The following CCL26 variants were observed in gnomAD, a reference collection of about 807,000 sequenced individuals.
The protein encoded by CCL26 is C-C motif chemokine 26.
CCL26 carries 10 observed loss-of-function variants against 10.7 expected under a neutral mutation model. That is an observed-to-expected ratio of 0.93 (90% CI 0.57 to 1.58). The LOEUF (loss-of-function observed/expected upper bound fraction) is 1.58. Among genes scored for constraint, CCL26 ranks in the 40% most tolerant of loss-of-function variants. CCL26 has a pLI of 0.00. For synonymous variants in CCL26, 43 were observed against 41.4 expected (o/e 1.04, Z -0.15); for missense variants, 116 against 111.0 (o/e 1.05, Z -0.20).
upstream of CCL26, among the ~76,000 whole-genome samples, chr7:75,776,235 C>T (rs111390947): frequency 6.6e-6 from 1 of 151,766 alleles, no homozygotes; most frequent in East Asian, 2.0e-4. Flanking sequence ...CCATGCCCGA[C>T]TAATTTTTGT....
chr7:75,772,239 T>A (rs781959310), upstream of CCL26: 379 of 1,178,114 alleles, frequency 3.2e-4, 1 homozygote, highest in Middle Eastern at 2.8e-4. Flanking sequence ...TCCCCTTTTA[T>A]GAGACTGAGA....
chr7:75,777,279 C>A (rs1024673571), intron 1 of CCL26, among the ~76,000 whole-genome samples: 3 of 152,058 alleles, frequency 2.0e-5, no homozygotes, highest in Non-Finnish European at 4.4e-5. Context: ...AAAAGACACA[C>A]ACTAGAATAT....
chr7:75,779,384 AGAAAGATCCACCTAT>A (rs1400846163), intron 1 of CCL26, among the ~76,000 whole-genome samples: 26 of 152,324 alleles, frequency 1.7e-4, no homozygotes, highest in African/African-American at 6.0e-4. Flanking sequence ...TTGCTCCGTA[AGAAAGATCCACCTAT>A]GACCTCAGGT....
chr7:75,771,738 G>A (rs1286776966), intron 2 of CCL26, 151 bp downstream of exon 2: 1 of 614,484 alleles, frequency 1.6e-6, no homozygotes, highest in Non-Finnish European at 2.9e-6. Context: ...AAAAAAGTCA[G>A]GTTCTACCTG....
At chr7:75,773,654 T>C (rs1208852125), upstream of CCL26, among the ~76,000 whole-genome samples, 8 of 151,862 alleles carry the variant, frequency 5.3e-5, no homozygotes, top group African/African-American at 1.9e-4. Context: ...GGCAGGGGGA[T>C]CGTCTGAGGT....
upstream of CCL26, among the ~76,000 whole-genome samples, chr7:75,772,992 G>T (rs911508721): frequency 3.3e-5 from 5 of 151,414 alleles, no homozygotes; most frequent in Non-Finnish European, 7.4e-5. Context: ...GCTCTGGATG[G>T]TCTCAAGATG....
At chr7:75,789,821 G>A (rs1285468698) in exon 1 of CCL26, 2 of 152,058 alleles carry the variant, frequency 1.3e-5, no homozygotes, top group Non-Finnish European at 2.9e-5. Context: ...GGGACCCCAA[G>A]TCAAGACCTC....
chr7:75,779,889 C>T (rs1003424390), intron 1 of CCL26, among the ~76,000 whole-genome samples: 17 of 152,068 alleles, frequency 1.1e-4, no homozygotes, highest in African/African-American at 4.1e-4. Flanking sequence ...GGGCAAGCCC[C>T]TCCCACCCTT....
chr7:75,787,906 G>A (rs1444400357), intron 1 of CCL26, among the ~76,000 whole-genome samples: 5 of 151,844 alleles, frequency 3.3e-5, no homozygotes, highest in African/African-American at 4.8e-5. Context: ...CATACAGAAC[G>A]GCATCCGGGC....
At chr7:75,781,501 T>C (rs1563338787) in intron 1 of CCL26, among the ~76,000 whole-genome samples, 1 of 152,208 alleles carries the variant, frequency 6.6e-6, no homozygotes, top group Non-Finnish European at 1.5e-5. Context: ...CCCATCTGTG[T>C]GGGACCCCAA....
At chr7:75,789,302 G>T (rs1403074455) in intron 1 of CCL26, among the ~76,000 whole-genome samples, 4 of 151,764 alleles carry the variant, frequency 2.6e-5, no homozygotes, top group Admixed American at 6.6e-5. Context: ...GGAATGAAAT[G>T]ATATGGCGAA....
At chr7:75,787,765 A>C (rs1462081871) in intron 1 of CCL26, among the ~76,000 whole-genome samples, 1 of 151,674 alleles carries the variant, frequency 6.6e-6, no homozygotes, top group Non-Finnish European at 1.5e-5. Context: ...CAACCAAACA[A>C]GTAATTACAC....
chr7:75,769,705 C>T lies in CCL26; in HGVS notation c.273G>A (p.Pro91=), dbSNP rs782370999. 23 of 1,608,180 alleles carry T rather than the reference C, an allele frequency of 1.4e-5. No individual in the cohort carries two copies. Among genetic ancestry groups the T allele is most frequent in the Middle Eastern group, 1.6e-4 (1 of 6,076 alleles). ...AAATTCAGCTGAGTCACAATTGTTT[C>T]GGAGTTTTCAGTAAAGAAATGTATT... ...VQKYISLLKT[P]KQL is the part of the protein sequence containing the mutation. Residue 91 remains proline (P), a synonymous_variant, in exon 3 of 3, where the codon CCG becomes CCA. Coordinates refer to ENST00000005180, the MANE Select transcript of CCL26 (RefSeq NM_001371938.1).
upstream of CCL26, chr7:75,789,989 C>G (rs1803286952): frequency 6.7e-6 from 1 of 150,132 alleles, no homozygotes; most frequent in Non-Finnish European, 1.5e-5. Flanking sequence ...CTTTCTACGT[C>G]TTACGGTTCT....
intron 2 of CCL26, among the ~76,000 whole-genome samples, chr7:75,770,143 C>A (rs1289873630): frequency 2.6e-5 from 4 of 151,458 alleles, no homozygotes; most frequent in Non-Finnish European, 5.9e-5. Context: ...GATCTCAGCT[C>A]ATTGCAACCT....
intron 1 of CCL26, among the ~76,000 whole-genome samples, chr7:75,785,462 A>G (rs1439435305): frequency 6.6e-6 from 1 of 152,104 alleles, no homozygotes; most frequent in Non-Finnish European, 1.5e-5. Context: ...TTATTCTCCA[A>G]AGGATATCAG....
chr7:75,775,135 G>C (rs187999186), upstream of CCL26, among the ~76,000 whole-genome samples: 327 of 151,586 alleles, frequency 2.2e-3, 2 homozygotes, highest in African/African-American at 7.4e-3. Flanking sequence ...CAGGAGTATT[G>C]CTTGAACCGG....
At chr7:75,787,017 G>T (rs992227553) in intron 1 of CCL26, among the ~76,000 whole-genome samples, 1 of 152,060 alleles carries the variant, frequency 6.6e-6, no homozygotes, top group Non-Finnish European at 1.5e-5. Flanking sequence ...CATCAAGCTG[G>T]GGGATTTGCC....
chr7:75,776,731 T>G (rs551636533), upstream of CCL26, among the ~76,000 whole-genome samples: 1 of 152,050 alleles, frequency 6.6e-6, no homozygotes, highest in Non-Finnish European at 1.5e-5. Flanking sequence ...AAATACACAC[T>G]TAAACCGCAG....
Sources: allele counts gnomAD v4.1 joint callset (sites outside exome capture counted in the v4.1 genomes callset), GRCh38; gene constraint gnomAD v4.1.1; transcripts MANE v1.5; gene names NCBI Gene and HGNC (gene_info 2026-07-23, HGNC 2026-07-21).